POR: variants seen among roughly 807,000 people sequenced by gnomAD.
POR encodes cytochrome p450 oxidoreductase, also known as NADPH--cytochrome P450 reductase.
In POR, 56 loss-of-function variants were observed where a neutral mutation model predicts 84.0. The observed-to-expected ratio is 0.67, with a 90% CI of 0.54 to 0.83. The LOEUF is 0.83. Among genes scored for constraint, POR ranks in the 40% least tolerant of loss-of-function variants. POR has a pLI of 0.00. For missense variants in POR, 938 were observed against 944.3 expected (o/e 0.99, Z 0.09); for synonymous variants, 414 against 400.5 (o/e 1.03, Z -0.40).
rs1232591821 is a variant in POR, at chr7:75,915,179, GGTGA to G, written c.-5+4_-5+7del. The G allele has an allele frequency of 6.5e-6, 1 of 154,526 alleles. No individual in the cohort carries two copies. Among genetic ancestry groups the G allele is most frequent in the African/African-American group, 2.4e-5 (1 of 41,528 alleles). The allele number at this position is 154,526 out of a possible 1,614,324, so 9.6% of individuals were successfully genotyped here. On this transcript the variant is annotated splice_donor_variant and splice_donor_region_variant and intron_variant, in intron 1 of 15. Coordinates refer to ENST00000461988, the MANE Select transcript of POR (RefSeq NM_000941.3). LOFTEE classifies it low-confidence loss of function (5UTR_SPLICE). ...CGCAGAGAGCAGCCGGGCTGCCAGC[GGTGA>G]GTGCTATCTTTCGCGGCGACGGCGG...
intron 6 of POR, 94 bp downstream of exon 6, chr7:75,981,266 C>G (rs1199886966): frequency 6.9e-7 from 1 of 1,439,624 alleles, no homozygotes; most frequent in Non-Finnish European, 9.2e-7. Context: ...TCAGCTGAGA[C>G]TCAGCGACAC....
At chr7:75,951,979 C>T (rs1200993040) in intron 1 of POR, among the ~76,000 whole-genome samples, 4 of 150,642 alleles carry the variant, frequency 2.7e-5, no homozygotes, top group Non-Finnish European at 4.4e-5. Flanking sequence ...CCCCCCACCT[C>T]CCTCCCGGAC....
chr7:75,923,379 G>A lies in POR; in HGVS notation c.-5+8200G>A, dbSNP rs141289413. On this transcript the variant is annotated intron_variant, in intron 1 of 15. Coordinates refer to ENST00000461988, the MANE Select transcript of POR (RefSeq NM_000941.3). ...TACCAAAAATAGTGGACTTTCTGAA[G>A]GAGATTGGCACACCTCCATCTTCTT... The A allele has an allele frequency of 1.7e-5, 13 of 757,708 alleles. No individual in the cohort carries two copies. The East Asian group carries it at 2.9e-4, about 17-fold the overall frequency. 46.9% of individuals were successfully genotyped at this position (757,708 alleles called of 1,614,324 possible). A position where few individuals can be genotyped will look rare whatever the true frequency, so the allele number is the denominator to read the frequency against.
chr7:75,972,979 C>T lies in POR; in HGVS notation c.237+518C>T, dbSNP rs181499012. 2.2e-3 allele frequency among the ~76,000 whole-genome samples: 341 copies of T among 152,194 alleles called. 2 individuals are homozygous for T. Among genetic ancestry groups the T allele is most frequent in the Non-Finnish European group, 3.8e-3 (260 of 67,996 alleles). On this transcript the variant is annotated intron_variant, in intron 3 of 15. Transcript: ENST00000461988. ...CTGGGATTACAGGTGCGTGCCACCACGCCCAGCTAATTTTTGTATTTTTAA... is the reference window on the plus strand; with the variant it reads ...CTGGGATTACAGGTGCGTGCCACCATGCCCAGCTAATTTTTGTATTTTTAA...
intron 1 of POR, 78 bp from the exon 2 acceptor site, chr7:75,953,911 T>G: frequency 3.4e-6 from 4 of 1,181,586 alleles, no homozygotes; most frequent in Non-Finnish European, 4.7e-6. Context: ...AGGCCCAGCA[T>G]TTAGGTGGGC....
In POR at chr7:75,953,857, TCTC is replaced by T. The variant is rs1431668419; in HGVS notation, c.-4-129_-4-127del. ...CAGGAACCTGGCTGAGTGAGCCCCT[TCTC>T]CTACCCCGTGCAGTGACCATTTCCT... is the stretch of plus-strand genomic sequence containing the variant. On this transcript the variant is annotated intron_variant, in intron 1 of 15. Coordinates refer to ENST00000461988, the MANE Select transcript of POR (RefSeq NM_000941.3). 1.9e-5 allele frequency: 13 copies of T among 679,520 alleles called. No homozygotes were observed. The Admixed American group carries it at 3.3e-4, about 17-fold the overall frequency. The allele number at this position is 679,520 out of a possible 1,614,324, so 42.1% of individuals were successfully genotyped here.
rs72557953 is a variant in POR at position 75,986,118 on chromosome 7, C to G, written c.1816-41C>G. On this transcript the variant is annotated intron_variant, in intron 14 of 15. Coordinates refer to ENST00000461988, the MANE Select transcript of POR (RefSeq NM_000941.3). ...GGTGGGCATGAGGCTGGCAGGGCCA[C>G]AGCCACAGTGCCCCCCTCACAGCAC... 8.7e-4 allele frequency: 1,371 copies of G among 1,584,284 alleles called. 14 individuals carry two copies. The East Asian group carries it at 0.018, about 21-fold the overall frequency.
Position 75,969,111 on chromosome 7 carries a change from T to C in POR, c.189-3302T>C, listed in dbSNP as rs545581376. ...ACCTGTCCTGTCCCATCCGTCCCTG[T>C]GGCGTGAACTGTGCCATCCATCTAT... On this transcript the variant is annotated intron_variant, in intron 2 of 15. Coordinates refer to ENST00000461988, the MANE Select transcript of POR (RefSeq NM_000941.3). Among the ~76,000 whole-genome samples, 5 of 152,350 alleles carry C rather than the reference T, an allele frequency of 3.3e-5. No homozygotes were observed. In the East Asian group the frequency reaches 9.7e-4, roughly 29 times the overall value.
In POR at chr7:75,952,796, G is replaced by C. The variant is rs570138723; in HGVS notation, c.-4-1193G>C. ...GAGAAGAGGCGCTCCTCACTTCCTA[G>C]ATGGGATGGCGGCCGGGCAGAGACG... On this transcript the variant is annotated intron_variant, in intron 1 of 15. Coordinates refer to ENST00000461988, the MANE Select transcript of POR (RefSeq NM_000941.3). 2.5e-4 allele frequency among the ~76,000 whole-genome samples: 38 copies of C among 151,746 alleles called. 1 individual carries two copies. The East Asian group carries it at 7.2e-3, about 29-fold the overall frequency.
rs369733862 is a variant in POR at position 75,986,193 on chromosome 7, A to C, written c.1850A>C (p.Glu617Ala). 1.9e-6 allele frequency: 3 copies of C among 1,612,496 alleles called. No individual in the cohort carries two copies. The highest frequency in any genetic ancestry group is 2.5e-6 in the Non-Finnish European group (3 of 1,179,712). Residue 617 changes from glutamate (E) to alanine (A), a missense_variant, in exon 15 of 16, where the codon GAG (glutamate) becomes GCG (alanine). Glu to Ala is a moderately radical substitution (Grantham distance 107). Transcript: ENST00000461988. ...CAGCACCTGCTAAAGCAAGACCGAG[A>C]GCACCTGTGGAAGTTGATCGAAGGC...
At chr7:75,944,967 A>G (rs543686673) in intron 1 of POR, among the ~76,000 whole-genome samples, 19 of 152,264 alleles carry the variant, frequency 1.2e-4, no homozygotes, top group African/African-American at 4.6e-4. Context: ...GAAGAAGAGA[A>G]AGAGAGTGAG....
chr7:75,971,525 A>G (rs781984579), intron 2 of POR, among the ~76,000 whole-genome samples: 14 of 151,966 alleles, frequency 9.2e-5, no homozygotes, highest in African/African-American at 3.1e-4. Flanking sequence ...GTGCGGGGGT[A>G]GAAGGCCAGA....
chr7:75,959,679 C>T (rs181656864), intron 2 of POR, among the ~76,000 whole-genome samples: 1 of 152,336 alleles, frequency 6.6e-6, no homozygotes, highest in East Asian at 1.9e-4. Context: ...TGGTCTTAAA[C>T]TCCTGACCCC....
At chr7:75,942,876 T>G (rs1442873739) in intron 1 of POR, among the ~76,000 whole-genome samples, 1 of 151,976 alleles carries the variant, frequency 6.6e-6, no homozygotes, top group East Asian at 1.9e-4. Context: ...ACATCAAGTC[T>G]GCAGCAAAAG....
chr7:75,985,450 G>A, intron 12 of POR, 129 bp from the exon 13 acceptor site: 2 of 1,248,032 alleles, frequency 1.6e-6, no homozygotes, highest in Non-Finnish European at 2.2e-6. Flanking sequence ...GGGGGCCTCT[G>A]AGGTTTGGGT....
At chr7:75,923,562 T>A in intron 1 of POR, 1 of 363,274 alleles carries the variant, frequency 2.8e-6, no homozygotes, top group Non-Finnish European at 5.2e-6. Context: ...TCCTGCTTTA[T>A]CTTCAAAAAC....
intron 1 of POR, among the ~76,000 whole-genome samples, chr7:75,945,590 G>T (rs1232157969): frequency 2.6e-5 from 4 of 152,092 alleles, no homozygotes; most frequent in Admixed American, 1.3e-4. Flanking sequence ...AGTAGGGTAT[G>T]GTTCCATGAG....
At chr7:75,959,066 G>A (rs1446072081) in intron 2 of POR, among the ~76,000 whole-genome samples, 1 of 152,192 alleles carries the variant, frequency 6.6e-6, no homozygotes, top group Non-Finnish European at 1.5e-5. Context: ...CATTCAGCCT[G>A]TAGATGTTAT....
intron 1 of POR, chr7:75,923,440 G>A (rs1806969574): frequency 3.5e-6 from 2 of 574,954 alleles, no homozygotes; most frequent in African/African-American, 1.9e-5. Flanking sequence ...TCCGCCAGCT[G>A]AACTAGAGCC....
Sources: gnomAD v4.1 joint callset for allele counts (sites outside exome capture counted in the v4.1 genomes callset) on GRCh38, gnomAD v4.1.1 for gene constraint, MANE v1.5 for transcripts, NCBI Gene and HGNC (gene_info 2026-07-23, HGNC 2026-07-21) for gene names.